FNBP1: variants seen among roughly 807,000 people sequenced by gnomAD.
FNBP1 encodes the protein formin-binding protein 1.
In FNBP1, 26 loss-of-function variants were observed where a neutral mutation model predicts 90.6. That is an observed-to-expected ratio of 0.29 (90% CI 0.21 to 0.40). FNBP1 has a LOEUF of 0.40. Among genes scored for constraint, FNBP1 ranks in the 10% least tolerant of loss-of-function variants. The probability of loss-of-function intolerance (pLI) is 1.00; values close to 1 mark genes in which losing one functional copy is unlikely to be tolerated. For missense variants in FNBP1, 635 were observed against 768.0 expected, an observed-to-expected ratio of 0.83 and a Z score of 2.05; for synonymous variants, 260 against 265.2, an observed-to-expected ratio of 0.98 and a Z score of 0.19.
At chr9:129,917,472 A>G (rs963552186) in intron 10 of FNBP1, among the ~76,000 whole-genome samples, 1 of 152,106 alleles carries the variant, frequency 6.6e-6, no homozygotes, top group African/African-American at 2.4e-5. Flanking sequence ...AGCTGGGACT[A>G]TAGGTACGTG....
chr9:130,022,800 A>C (rs2057970542), intron 1 of FNBP1, among the ~76,000 whole-genome samples: 1 of 152,152 alleles, frequency 6.6e-6, no homozygotes, highest in African/African-American at 2.4e-5. Context: ...CACCCTCCCA[A>C]GTACCTAGGA....
rs752998186 is a variant in FNBP1 at position 129,888,417 on chromosome 9, A to G, written c.*2122T>C. ...ATTGTGGAGCTGTGGGGACTGCCAC[A>G]CTCACCATGCACCTGTTGGTTTGCA... On this transcript the variant is annotated 3_prime_UTR_variant, in exon 17 of 17. Transcript: ENST00000446176. The G allele has an allele frequency of 4.3e-6, 1 of 232,496 alleles. No homozygotes were observed. The highest frequency in any genetic ancestry group is 8.5e-6 in the Non-Finnish European group (1 of 117,744). 14.4% of individuals were successfully genotyped at this position (232,496 alleles called of 1,614,324 possible). A position where few individuals can be genotyped will look rare whatever the true frequency, so the allele number is the denominator to read the frequency against.
chr9:129,958,445 A>AG (rs1261049580), intron 5 of FNBP1, 46 bp downstream of exon 5: 14 of 1,506,740 alleles, frequency 9.3e-6, no homozygotes, highest in Non-Finnish European at 1.3e-5. Flanking sequence ...AAAAAAGAAA[A>AG]AAAAATCTAT....
At chr9:129,902,635 TACA>T (rs2037174330) in intron 13 of FNBP1, among the ~76,000 whole-genome samples, 2 of 152,108 alleles carry the variant, frequency 1.3e-5, no homozygotes, top group African/African-American at 2.4e-5. Flanking sequence ...CGTATACAGA[TACA>T]ACATTAAACA....
intron 15 of FNBP1, among the ~76,000 whole-genome samples, chr9:129,896,746 C>T (rs1464968079): frequency 6.6e-6 from 1 of 152,146 alleles, no homozygotes; most frequent in Non-Finnish European, 1.5e-5. Flanking sequence ...ATTCTCCTGC[C>T]TCGGCCTCCC....
chr9:129,949,590 A>G (rs1194137280), intron 6 of FNBP1, among the ~76,000 whole-genome samples: 2 of 152,120 alleles, frequency 1.3e-5, no homozygotes, highest in East Asian at 1.9e-4. Flanking sequence ...GGCCAGGCAC[A>G]TTGGCTCACA....
intron 11 of FNBP1, among the ~76,000 whole-genome samples, chr9:129,909,572 C>A (rs1333347932): frequency 6.6e-6 from 1 of 151,700 alleles, no homozygotes; most frequent in Non-Finnish European, 1.5e-5. Context: ...AAAAAAAAAT[C>A]TCTTCTCCTT....
intron 12 of FNBP1, among the ~76,000 whole-genome samples, chr9:129,907,039 A>G (rs2038210825): frequency 6.6e-6 from 1 of 151,824 alleles, no homozygotes; most frequent in Non-Finnish European, 1.5e-5. Flanking sequence ...CCGCCTCCCA[A>G]AGTGCTGGGA....
intron 1 of FNBP1, among the ~76,000 whole-genome samples, chr9:130,025,037 G>A (rs573855225): frequency 2.9e-4 from 44 of 151,906 alleles, no homozygotes; most frequent in Non-Finnish European, 4.1e-4. Context: ...AAAATTAGCC[G>A]GGCGTGGTGG....
intron 6 of FNBP1, among the ~76,000 whole-genome samples, chr9:129,943,384 CTTTTTTTT>C (rs11415197): frequency 9.7e-6 from 1 of 102,664 alleles, no homozygotes; most frequent in South Asian, 3.4e-4. Flanking sequence ...TCATTAATTG[CTTTTTTTT>C]TTTTTTTTTT....
At chr9:129,919,877 T>G (rs924127872) in intron 10 of FNBP1, among the ~76,000 whole-genome samples, 1 of 152,212 alleles carries the variant, frequency 6.6e-6, no homozygotes, top group African/African-American at 2.4e-5. Flanking sequence ...TGTACCATGT[T>G]GGTCACGGAA....
chr9:129,900,112 A>G lies in FNBP1; in HGVS notation c.1551-11T>C. ...TAACTGCCATCTGGGCTGCTCAAGA[A>G]AGGAAAACACAAAGCAACTAAAGCG... On this transcript the variant is annotated splice_polypyrimidine_tract_variant and intron_variant, in intron 14 of 16. Coordinates refer to ENST00000446176, the MANE Select transcript of FNBP1 (RefSeq NM_015033.3). The surrounding 1 kb of genome is among the most constrained non-coding windows in gnomAD (Gnocchi z 4.1). The G allele has an allele frequency of 6.3e-7, 1 of 1,596,606 alleles. No individual in the cohort carries two copies. The highest frequency in any genetic ancestry group is 8.5e-7 in the Non-Finnish European group (1 of 1,171,948).
intron 2 of FNBP1, among the ~76,000 whole-genome samples, chr9:129,993,961 C>T (rs1343181366): frequency 6.6e-6 from 1 of 152,156 alleles, no homozygotes; most frequent in Non-Finnish European, 1.5e-5. Flanking sequence ...CATGACCCCT[C>T]AACACATTAC....
intron 1 of FNBP1, among the ~76,000 whole-genome samples, chr9:129,997,114 C>T (rs533293160): frequency 1.3e-5 from 2 of 151,998 alleles, no homozygotes; most frequent in African/African-American, 4.8e-5. Flanking sequence ...CACTTGAAGC[C>T]AGGAGTTCGA....
chr9:129,918,476 C>T (rs1476722869), intron 10 of FNBP1, among the ~76,000 whole-genome samples: 1 of 152,194 alleles, frequency 6.6e-6, no homozygotes, highest in Admixed American at 6.5e-5. Flanking sequence ...GAGCCACAAG[C>T]GTCAATAACA....
intron 6 of FNBP1, among the ~76,000 whole-genome samples, chr9:129,934,836 C>T (rs935131315): frequency 3.9e-5 from 6 of 152,122 alleles, no homozygotes; most frequent in Non-Finnish European, 7.3e-5. Context: ...CCTGCGTTAG[C>T]CTCCCAAAGT....
chr9:129,971,508 A>C (rs1482274176), intron 4 of FNBP1, among the ~76,000 whole-genome samples: 1 of 152,006 alleles, frequency 6.6e-6, no homozygotes, highest in Non-Finnish European at 1.5e-5. Flanking sequence ...CTCCTGCCTC[A>C]GCCTCCAGAG....
chr9:130,020,816 T>C (rs1291030354), intron 1 of FNBP1, among the ~76,000 whole-genome samples: 2 of 152,136 alleles, frequency 1.3e-5, no homozygotes, highest in East Asian at 1.9e-4. Flanking sequence ...ATTTTTCTCA[T>C]GTGGCAGGCA....
At chr9:129,897,305 C>T (rs1239362614) in intron 15 of FNBP1, among the ~76,000 whole-genome samples, 1 of 152,174 alleles carries the variant, frequency 6.6e-6, no homozygotes, top group Non-Finnish European at 1.5e-5. Context: ...GGCTGCCCAC[C>T]ACCCCCCAGT....
Sources: allele counts gnomAD v4.1 joint callset (sites outside exome capture counted in the v4.1 genomes callset), GRCh38; gene constraint gnomAD v4.1.1; non-coding constraint Gnocchi (gnomAD v3.1); transcripts MANE v1.5; gene names NCBI Gene and HGNC (gene_info 2026-07-23, HGNC 2026-07-21).